THSD7B: variants seen among roughly 807,000 people sequenced by gnomAD.
The protein encoded by THSD7B is thrombospondin type-1 domain-containing protein 7B.
THSD7B carries 138 observed loss-of-function variants against 213.6 expected under a neutral mutation model. The ratio of observed to expected loss-of-function variants is 0.65; its 90% CI spans 0.56 to 0.74. THSD7B has a LOEUF of 0.74. THSD7B is among the 30% of genes least tolerant of loss of function. The pLI is 0.00. For synonymous variants in THSD7B, 742 were observed against 687.0 expected (o/e 1.08, Z -1.25); for missense variants, 1,931 against 1,991.5 (o/e 0.97, Z 0.58).
intron 15 of THSD7B, among the ~76,000 whole-genome samples, chr2:137,499,594 C>T (rs1037506473): frequency 3.3e-5 from 5 of 152,194 alleles, no homozygotes; most frequent in Admixed American, 1.3e-4. Flanking sequence ...CCTTTCAACA[C>T]TGAAAGGTTT....
chr2:137,601,726 T>C lies in THSD7B; in HGVS notation c.3424-14449T>C, dbSNP rs191140537. On this transcript the variant is annotated intron_variant, in intron 17 of 27. Transcript: ENST00000409968. Reference sequence around the variant, plus strand: ...GGGCATTTTGCATACATTATCTCATTATTAAAAGAGTATTAACTCACAGTG... The same window carrying C: ...GGGCATTTTGCATACATTATCTCATCATTAAAAGAGTATTAACTCACAGTG... Among the ~76,000 whole-genome samples the C allele has an allele frequency of 2.0e-3, 306 of 152,336 alleles. 7 individuals are homozygous for C. The highest frequency in any genetic ancestry group is 0.018 in the Admixed American group (281 of 15,302).
rs369662925 is a variant in THSD7B, at chr2:137,189,560, A to C, written c.1723+18622A>C. The stretch of plus-strand genomic sequence containing the variant: ...ATCCACAGGGTCCTCCCCATGACCT[A>C]TGCCCTCCAGAGCTTGGTTCAAATC... On this transcript the variant is annotated intron_variant, in intron 7 of 27. Coordinates refer to ENST00000409968, the MANE Select transcript of THSD7B (RefSeq NM_001316349.2). Among the ~76,000 whole-genome samples the C allele has an allele frequency of 3.6e-5, 5 of 138,980 alleles. 1 individual carries two copies. In the South Asian group the frequency reaches 1.1e-3, roughly 32 times the overall value. The allele number at this position is 138,980 out of a possible 152,430, so 91.2% of individuals were successfully genotyped here. A position where few individuals can be genotyped will look rare whatever the true frequency, so the allele number is the denominator to read the frequency against.
chr2:137,196,045 G>A (rs1018852884), intron 7 of THSD7B, among the ~76,000 whole-genome samples: 2 of 152,100 alleles, frequency 1.3e-5, no homozygotes, highest in African/African-American at 2.4e-5. Context: ...AGATGACATC[G>A]TTGGCACTGC....
At chr2:137,588,380 G>A (rs138491095) in intron 17 of THSD7B, among the ~76,000 whole-genome samples, 3,662 of 152,034 alleles carry the variant, frequency 0.024, 56 homozygotes, top group Middle Eastern at 0.072. Context: ...AGATGAACCC[G>A]GTACCTCAGT....
At chr2:136,966,284 T>C (rs542702759) in intron 2 of THSD7B, among the ~76,000 whole-genome samples, 1 of 152,058 alleles carries the variant, frequency 6.6e-6, no homozygotes, top group Non-Finnish European at 1.5e-5. Context: ...GTGGCATGAT[T>C]TTGGCTCACT....
intron 2 of THSD7B, among the ~76,000 whole-genome samples, chr2:136,966,428 G>C (rs115599321): frequency 6.6e-6 from 1 of 152,030 alleles, no homozygotes; most frequent in Non-Finnish European, 1.5e-5. Context: ...TATCACTCAG[G>C]GTGGTCTCAA....
At chr2:137,494,424 A>T (rs947344781) in intron 15 of THSD7B, among the ~76,000 whole-genome samples, 2 of 152,122 alleles carry the variant, frequency 1.3e-5, no homozygotes, top group African/African-American at 4.8e-5. Context: ...TCTTTCTGAG[A>T]GTCAAGGACA....
intron 21 of THSD7B, among the ~76,000 whole-genome samples, chr2:137,649,375 C>T (rs1256208523): frequency 6.6e-6 from 1 of 152,102 alleles, no homozygotes; most frequent in Non-Finnish European, 1.5e-5. Context: ...AGCATATTCC[C>T]AAAGTTCTTT....
At chr2:136,767,473 G>GTGTGTGT (rs1553447352) in intron 1 of THSD7B, among the ~76,000 whole-genome samples, 1 of 151,760 alleles carries the variant, frequency 6.6e-6, no homozygotes. Flanking sequence ...GTGTGTGTGT[G>GTGTGTGT]TGTGTGTTGT....
At position 136,848,368 on chromosome 2, in the gene THSD7B, T is replaced by A. The variant is rs1683043329; in HGVS notation, c.-35-33776T>A. Among the ~76,000 whole-genome samples, 5 of 152,170 alleles carry A rather than the reference T, an allele frequency of 3.3e-5. No individual in the cohort carries two copies. In the South Asian group the frequency reaches 1.0e-3, roughly 32 times the overall value. ...AATTAGTAGGGCTGGGATCTGGCCC[T>A]ATAATTTGCATTTCTAACAAGTTTC... On this transcript the variant is annotated intron_variant, in intron 1 of 27. Transcript: ENST00000409968.
intron 5 of THSD7B, among the ~76,000 whole-genome samples, chr2:137,150,424 G>A (rs1176698655): frequency 6.6e-6 from 1 of 152,064 alleles, no homozygotes; most frequent in Non-Finnish European, 1.5e-5. Context: ...GATCATGAGG[G>A]TGGTTACCTC....
chr2:136,803,657 A>T (rs913627232), intron 1 of THSD7B, among the ~76,000 whole-genome samples: 17 of 152,188 alleles, frequency 1.1e-4, no homozygotes, highest in African/African-American at 4.1e-4. Flanking sequence ...GTAAGAAGAG[A>T]TTTATTATAG....
chr2:136,959,243 A>G (rs911064446), intron 2 of THSD7B, among the ~76,000 whole-genome samples: 1 of 152,222 alleles, frequency 6.6e-6, no homozygotes, highest in African/African-American at 2.4e-5. Flanking sequence ...TTTGTCTGAT[A>G]GTGCAGCATT....
intron 3 of THSD7B, among the ~76,000 whole-genome samples, chr2:137,085,042 C>G (rs149209023): frequency 2.6e-5 from 4 of 152,020 alleles, no homozygotes; most frequent in Non-Finnish European, 4.4e-5. Flanking sequence ...GTGAGAGAAC[C>G]CTGACAGTGC....
intron 2 of THSD7B, among the ~76,000 whole-genome samples, chr2:136,882,857 A>T (rs1052388742): frequency 6.6e-6 from 1 of 152,156 alleles, no homozygotes; most frequent in Non-Finnish European, 1.5e-5. Flanking sequence ...ATTATCCTTT[A>T]TGTATATGAA....
chr2:137,403,477 C>A (rs1434423577), intron 12 of THSD7B, among the ~76,000 whole-genome samples: 2 of 152,072 alleles, frequency 1.3e-5, no homozygotes, highest in African/African-American at 4.8e-5. Context: ...TCTTTTTGTT[C>A]CTTTCACATA....
chr2:137,497,229 A>G (rs1256231615), intron 15 of THSD7B, among the ~76,000 whole-genome samples: 1 of 139,632 alleles, frequency 7.2e-6, no homozygotes, highest in Non-Finnish European at 1.6e-5. Flanking sequence ...ACACACACAC[A>G]CACTAGATCT....
chr2:137,406,599 A>G (rs537832390), intron 13 of THSD7B, among the ~76,000 whole-genome samples: 1 of 152,344 alleles, frequency 6.6e-6, no homozygotes, highest in East Asian at 1.9e-4. Flanking sequence ...TCTCATGAGC[A>G]GTTGAAGGGC....
intron 15 of THSD7B, among the ~76,000 whole-genome samples, chr2:137,540,670 A>G (rs936485409): frequency 6.6e-6 from 1 of 151,740 alleles, no homozygotes. Flanking sequence ...GTCTGGTACA[A>G]ACAGCTTTTT....
Sources: gnomAD v4.1 joint callset for allele counts (sites outside exome capture counted in the v4.1 genomes callset) on GRCh38, gnomAD v4.1.1 for gene constraint, MANE v1.5 for transcripts, NCBI Gene and HGNC (gene_info 2026-07-23, HGNC 2026-07-21) for gene names.